The following WARS2 variants were observed in gnomAD, a reference collection of about 807,000 sequenced individuals.
The protein encoded by WARS2 is tryptophan--tRNA ligase, mitochondrial.
Under a neutral mutation model 36.5 loss-of-function variants are expected in WARS2, and 28 were observed. That is an observed-to-expected ratio of 0.77 (90% CI 0.57 to 1.05). The LOEUF is 1.05. Ranked by LOEUF, WARS2 falls within the 50% of genes least tolerant of loss-of-function variation. The probability of loss-of-function intolerance (pLI) is 0.00; values close to 1 mark genes in which losing one functional copy is unlikely to be tolerated. For missense variants in WARS2, 435 were observed against 456.8 expected, an observed-to-expected ratio of 0.95 and a Z score of 0.44; for synonymous variants, 174 against 178.4, an observed-to-expected ratio of 0.98 and a Z score of 0.20.
chr1:119,057,990 T>C (rs1649983399), intron 2 of WARS2, among the ~76,000 whole-genome samples: 1 of 152,182 alleles, frequency 6.6e-6, no homozygotes, highest in Admixed American at 6.5e-5. Flanking sequence ...ATAGTTTCTC[T>C]TATATTAAGT....
intron 1 of WARS2, among the ~76,000 whole-genome samples, chr1:119,122,144 C>G (rs934457734): frequency 1.3e-5 from 2 of 152,068 alleles, no homozygotes; most frequent in Non-Finnish European, 2.9e-5. Flanking sequence ...ATCTATATAC[C>G]TGACAAAGGA....
chr1:119,098,809 T>C (rs587629430), intron 1 of WARS2, among the ~76,000 whole-genome samples: 1 of 151,938 alleles, frequency 6.6e-6, no homozygotes, highest in African/African-American at 2.4e-5. Context: ...TGATCTCAGC[T>C]CACTGCAACC....
At chr1:119,069,339 TAAATA>T (rs1651123289) in intron 2 of WARS2, among the ~76,000 whole-genome samples, 2 of 152,176 alleles carry the variant, frequency 1.3e-5, no homozygotes, top group South Asian at 4.1e-4. Context: ...CCCAAAACAT[TAAATA>T]AAATTGTTTT....
intron 1 of WARS2, among the ~76,000 whole-genome samples, chr1:119,130,882 G>T (rs746566367): frequency 7.9e-5 from 12 of 152,128 alleles, no homozygotes; most frequent in Non-Finnish European, 1.2e-4. Flanking sequence ...TTTCATGACT[G>T]GTGGTGGCCT....
intron 2 of WARS2, among the ~76,000 whole-genome samples, chr1:119,046,285 GTTTTTTTTT>G (rs71070781): frequency 2.9e-4 from 29 of 101,522 alleles, no homozygotes; most frequent in African/African-American, 8.7e-4. Flanking sequence ...CTCCTTTTCT[GTTTTTTTTT>G]TTTTTTTTTT....
chr1:119,101,800 G>A (rs1653886099), intron 1 of WARS2, among the ~76,000 whole-genome samples: 1 of 152,114 alleles, frequency 6.6e-6, no homozygotes. Flanking sequence ...AAGGGCCACT[G>A]AAACCACAAA....
At chr1:119,057,185 C>T (rs56130333) in intron 2 of WARS2, among the ~76,000 whole-genome samples, 10,230 of 151,886 alleles carry the variant, frequency 0.067, 461 homozygotes, top group East Asian at 0.2. Flanking sequence ...CTTGCACTGT[C>T]GCCCAGGCTG....
chr1:119,075,416 G>A (rs1319207871), intron 2 of WARS2, among the ~76,000 whole-genome samples: 1 of 151,978 alleles, frequency 6.6e-6, no homozygotes, highest in African/African-American at 2.4e-5. Flanking sequence ...GGTGGTCCTG[G>A]AGCCAACACT....
chr1:119,134,319 CAAAAA>C (rs761321480), intron 1 of WARS2, among the ~76,000 whole-genome samples: 10 of 65,880 alleles, frequency 1.5e-4, no homozygotes, highest in Non-Finnish European at 1.9e-4. Flanking sequence ...GGCAAAGGGG[CAAAAA>C]AAAAAAAAAA....
intron 1 of WARS2, among the ~76,000 whole-genome samples, chr1:119,129,394 C>T (rs1253219736): frequency 6.6e-6 from 1 of 152,096 alleles, no homozygotes; most frequent in African/African-American, 2.4e-5. Flanking sequence ...CATAGATTTA[C>T]CAGAAAGATG....
intron 1 of WARS2, among the ~76,000 whole-genome samples, chr1:119,113,476 T>G (rs368650613): frequency 1.3e-5 from 2 of 152,142 alleles, no homozygotes; most frequent in East Asian, 1.9e-4. Context: ...CTCACTCAGA[T>G]AGCAGATTCC....
At chr1:119,134,327 A>AAC (rs1386572904) in intron 1 of WARS2, among the ~76,000 whole-genome samples, 2 of 150,730 alleles carry the variant, frequency 1.3e-5, no homozygotes, top group Non-Finnish European at 3.0e-5. Context: ...GGCAAAAAAA[A>AAC]AAAAAAAAAA....
intron 1 of WARS2, among the ~76,000 whole-genome samples, chr1:119,125,667 T>C (rs938625878): frequency 3.3e-5 from 5 of 152,196 alleles, no homozygotes; most frequent in African/African-American, 1.2e-4. Flanking sequence ...AAATTTTACA[T>C]GACTACATAA....
chr1:119,058,393 G>C (rs182865766), intron 2 of WARS2, among the ~76,000 whole-genome samples: 8 of 132,034 alleles, frequency 6.1e-5, no homozygotes, highest in Admixed American at 4.9e-4. Context: ...TGCCATGCTG[G>C]TGCGCTGCAC....
intron 1 of WARS2, among the ~76,000 whole-genome samples, chr1:119,139,373 A>G (rs1416809519): frequency 6.6e-6 from 1 of 152,244 alleles, no homozygotes. Context: ...TAGAAAAATA[A>G]GTTGAACTTA....
chr1:119,086,594 G>A lies in WARS2; in HGVS notation c.91-9987C>T, dbSNP rs587700153. Among the ~76,000 whole-genome samples the A allele has an allele frequency of 3.7e-4, 56 of 152,200 alleles. No individual in the cohort carries two copies. In the South Asian group the frequency reaches 0.011, roughly 31 times the overall value. ...GACCTCACCCCAGTCAAGCACAAAG[G>A]GGGCTTCTCAGAGCACAGTCTGAAA... On this transcript the variant is annotated intron_variant, in intron 1 of 5. Transcript: ENST00000235521.
chr1:119,042,897 C>A (rs926390203), intron 3 of WARS2, among the ~76,000 whole-genome samples: 1 of 152,140 alleles, frequency 6.6e-6, no homozygotes, highest in Non-Finnish European at 1.5e-5. Context: ...TCTAACCAAT[C>A]CTAATGACCT....
chr1:119,041,129 G>A (rs953765019), intron 4 of WARS2, among the ~76,000 whole-genome samples: 2 of 152,176 alleles, frequency 1.3e-5, no homozygotes, highest in African/African-American at 4.8e-5. Flanking sequence ...CTGGAGTCAT[G>A]CCACGAGGTA....
intron 1 of WARS2, among the ~76,000 whole-genome samples, chr1:119,088,562 A>G (rs1344501865): frequency 6.6e-6 from 1 of 152,196 alleles, no homozygotes; most frequent in African/African-American, 2.4e-5. Context: ...TTAATCATGT[A>G]TAGGCAGAGG....
Sources: allele counts gnomAD v4.1 joint callset (sites outside exome capture counted in the v4.1 genomes callset), GRCh38; gene constraint gnomAD v4.1.1; transcripts MANE v1.5; gene names NCBI Gene and HGNC (gene_info 2026-07-23, HGNC 2026-07-21).